The following CSRNP3 variants were observed in gnomAD, a reference collection of about 807,000 sequenced individuals.
CSRNP3 encodes cysteine and serine rich nuclear protein 3.
CSRNP3 carries 12 observed loss-of-function variants against 48.0 expected under a neutral mutation model. The observed-to-expected ratio is 0.25, with a 90% CI of 0.16 to 0.41. The LOEUF is 0.41. Ranked by LOEUF, CSRNP3 falls within the 10% of genes least tolerant of loss-of-function variation. CSRNP3 has a pLI of 1.00. For synonymous variants in CSRNP3, 263 were observed against 269.7 expected (o/e 0.98, Z 0.24); for missense variants, 580 against 724.4 (o/e 0.80, Z 2.29).
At chr2:165,532,816 A>G (rs902994939) in intron 3 of CSRNP3, among the ~76,000 whole-genome samples, 23 of 151,262 alleles carry the variant, frequency 1.5e-4, no homozygotes, top group Admixed American at 4.6e-4. Context: ...AAACCCCATC[A>G]TCTCAGCCCA....
At chr2:165,606,397 A>C (rs1164539041) in intron 4 of CSRNP3, among the ~76,000 whole-genome samples, 1 of 151,262 alleles carries the variant, frequency 6.6e-6, no homozygotes, top group Non-Finnish European at 1.5e-5. Flanking sequence ...TAGACATAGA[A>C]CCTGAGCAGA....
chr2:165,562,131 C>G (rs1685242678), intron 3 of CSRNP3, among the ~76,000 whole-genome samples: 1 of 152,120 alleles, frequency 6.6e-6, no homozygotes, highest in Admixed American at 6.6e-5. Flanking sequence ...CGAACACCCC[C>G]TGATGTACAA....
At chr2:165,666,050 A>AGGAGAG (rs372672347) in intron 5 of CSRNP3, among the ~76,000 whole-genome samples, 1 of 103,082 alleles carries the variant, frequency 9.7e-6, no homozygotes, top group Non-Finnish European at 1.9e-5. Flanking sequence ...GAAGGAAGGA[A>AGGAGAG]AGAGAGAGGA....
intron 3 of CSRNP3, among the ~76,000 whole-genome samples, chr2:165,557,433 AAG>A (rs1438241069): frequency 6.6e-6 from 1 of 152,206 alleles, no homozygotes; most frequent in Non-Finnish European, 1.5e-5. Context: ...TCTGTGAAGA[AAG>A]AGGGAGAGGG....
At chr2:165,595,818 A>G (rs1159878610) in intron 4 of CSRNP3, among the ~76,000 whole-genome samples, 1 of 152,116 alleles carries the variant, frequency 6.6e-6, no homozygotes, top group Non-Finnish European at 1.5e-5. Flanking sequence ...TTTTGTTGAG[A>G]TGGAGTCTCG....
chr2:165,601,846 A>G (rs1685921082), intron 4 of CSRNP3, among the ~76,000 whole-genome samples: 1 of 152,154 alleles, frequency 6.6e-6, no homozygotes, highest in African/African-American at 2.4e-5. Flanking sequence ...TTGACATTAA[A>G]CTTTATTAGA....
chr2:165,633,483 G>A (rs535274616), intron 4 of CSRNP3, among the ~76,000 whole-genome samples: 1 of 152,298 alleles, frequency 6.6e-6, no homozygotes, highest in Non-Finnish European at 1.5e-5. Flanking sequence ...AATTTCTTCT[G>A]AAAATCGCAG....
At chr2:165,615,399 C>T (rs746075162) in intron 4 of CSRNP3, among the ~76,000 whole-genome samples, 1 of 151,768 alleles carries the variant, frequency 6.6e-6, no homozygotes, top group African/African-American at 2.4e-5. Flanking sequence ...AAAAATTAGC[C>T]GGGTGTGGTG....
rs1159941595 is a variant in CSRNP3, at chr2:165,681,726, C to CATATATATATATATAT, written c.*1993_*2008dup. The CATATATATATATATAT allele has an allele frequency of 3.7e-4, 35 of 93,674 alleles. No homozygotes were observed. The highest frequency in any genetic ancestry group is 7.1e-4 in the East Asian group (2 of 2,804). The allele number at this position is 93,674 out of a possible 1,614,324, so 5.8% of individuals were successfully genotyped here. A position where few individuals can be genotyped will look rare whatever the true frequency, so the allele number is the denominator to read the frequency against. ...AGGATTTGTTGAAATCTCAAATATA[C>CATATATATATATATAT]ATATATATATATATATATATATATA... is the stretch of plus-strand genomic sequence containing the variant. On this transcript the variant is annotated 3_prime_UTR_variant, in exon 7 of 7. Coordinates refer to ENST00000651982, the MANE Select transcript of CSRNP3 (RefSeq NM_001172173.2).
At position 165,475,962 on chromosome 2, in the gene CSRNP3, T is replaced by C. The variant is rs773440293; in HGVS notation, c.-283+6222T>C. Among the ~76,000 whole-genome samples the C allele has an allele frequency of 2.0e-4, 30 of 152,334 alleles. 1 individual carries two copies. The highest frequency in any genetic ancestry group is 5.2e-4 in the Admixed American group (8 of 15,284). ...TGATACACACACACAGATTATCATATACTAAATCAATGGGTTAATTGTAAA... is the reference window on the plus strand; with the variant it reads ...TGATACACACACACAGATTATCATACACTAAATCAATGGGTTAATTGTAAA... On this transcript the variant is annotated intron_variant, in intron 1 of 6. Coordinates refer to ENST00000651982, the MANE Select transcript of CSRNP3 (RefSeq NM_001172173.2).
At chr2:165,607,972 G>A (rs1686059492) in intron 4 of CSRNP3, among the ~76,000 whole-genome samples, 1 of 151,136 alleles carries the variant, frequency 6.6e-6, no homozygotes, top group Non-Finnish European at 1.5e-5. Context: ...AATATAGTAT[G>A]CCACCAATAG....
At chr2:165,630,615 C>T (rs1686519821) in intron 4 of CSRNP3, among the ~76,000 whole-genome samples, 1 of 152,180 alleles carries the variant, frequency 6.6e-6, no homozygotes, top group Non-Finnish European at 1.5e-5. Context: ...TTCAGTATCT[C>T]TTTCTCTCCC....
chr2:165,604,613 C>T (rs941706431), intron 4 of CSRNP3, among the ~76,000 whole-genome samples: 2 of 152,108 alleles, frequency 1.3e-5, no homozygotes, highest in African/African-American at 4.8e-5. Context: ...TTAACATGTA[C>T]CTTTCTGGTT....
chr2:165,563,694 GTCTTCCAGGCACTC>G lies in CSRNP3; in HGVS notation c.-23-31345_-23-31332del, dbSNP rs1685262770. ...GCACGAGTTCAGCTGCTAGACTTTT[GTCTTCCAGGCACTC>G]TCTGAGCATAACAGAGACATAGTAT... On this transcript the variant is annotated intron_variant, in intron 3 of 6. Coordinates refer to ENST00000651982, the MANE Select transcript of CSRNP3 (RefSeq NM_001172173.2). 2.6e-5 allele frequency among the ~76,000 whole-genome samples: 4 copies of G among 152,232 alleles called. No individual in the cohort carries two copies. The South Asian group carries it at 8.3e-4, about 32-fold the overall frequency.
intron 3 of CSRNP3, among the ~76,000 whole-genome samples, chr2:165,548,093 T>C (rs1685054718): frequency 6.6e-6 from 1 of 152,138 alleles, no homozygotes; most frequent in Admixed American, 6.5e-5. Context: ...CCTTCCACTG[T>C]GAAAACTAAT....
chr2:165,470,166 A>T (rs1683873630), intron 1 of CSRNP3, among the ~76,000 whole-genome samples: 1 of 152,094 alleles, frequency 6.6e-6, no homozygotes, highest in Non-Finnish European at 1.5e-5. Flanking sequence ...ATAAAATTTC[A>T]TGTGATGGCT....
At position 165,629,984 on chromosome 2, in the gene CSRNP3, A is replaced by G. The variant is rs184593592; in HGVS notation, c.149-27777A>G. On this transcript the variant is annotated intron_variant, in intron 4 of 6. Coordinates refer to ENST00000651982, the MANE Select transcript of CSRNP3 (RefSeq NM_001172173.2). Reference sequence around the variant, plus strand: ...CTGTGGTTCACTTCTAACCACTTAAAAGAAAGGTTGCAGCATTTTCTTTTG... The same window carrying G: ...CTGTGGTTCACTTCTAACCACTTAAGAGAAAGGTTGCAGCATTTTCTTTTG... Among the ~76,000 whole-genome samples, 23 of 152,302 alleles carry G rather than the reference A, an allele frequency of 1.5e-4. 1 individual carries two copies. Among genetic ancestry groups the G allele is most frequent in the Admixed American group, 1.4e-3 (22 of 15,290 alleles).
At chr2:165,627,866 C>G (rs1297533800) in intron 4 of CSRNP3, among the ~76,000 whole-genome samples, 2 of 152,114 alleles carry the variant, frequency 1.3e-5, no homozygotes, top group African/African-American at 4.8e-5. Flanking sequence ...TACACATGTT[C>G]CTCCCACAGT....
At chr2:165,525,384 C>T (rs1684718201) in intron 3 of CSRNP3, among the ~76,000 whole-genome samples, 1 of 151,852 alleles carries the variant, frequency 6.6e-6, no homozygotes, top group Admixed American at 6.6e-5. Context: ...TTTTCTTGAC[C>T]ACATCCTTTT....
Sources: gnomAD v4.1 joint callset for allele counts (sites outside exome capture counted in the v4.1 genomes callset) on GRCh38, gnomAD v4.1.1 for gene constraint, MANE v1.5 for transcripts, NCBI Gene and HGNC (gene_info 2026-07-23, HGNC 2026-07-21) for gene names.